Variants in ANK3 observed in about 807,000 individuals in gnomAD.
ANK3 encodes ankyrin 3.
A neutral mutation model predicts 370.9 loss-of-function variants in ANK3; 57 were observed. The observed-to-expected ratio is 0.15, with a 90% confidence interval of 0.12 to 0.19. The LOEUF is 0.19. Among genes scored for constraint, ANK3 ranks in the 10% least tolerant of loss-of-function variants. The pLI is 1.00. For missense variants in ANK3, 4,439 were observed against 5,302.1 expected, an observed-to-expected ratio of 0.84 and a Z score of 5.06; for synonymous variants, 1,929 against 1,946.3, an observed-to-expected ratio of 0.99 and a Z score of 0.23.
At chr10:60,305,276 A>C (rs1280386566) in intron 1 of ANK3, among the ~76,000 whole-genome samples, 1 of 151,946 alleles carries the variant, frequency 6.6e-6, no homozygotes, top group East Asian at 1.9e-4. Context: ...CCTTTGCTTT[A>C]TCAAAATGCT....
At chr10:60,480,724 G>A (rs1181039422) in intron 2 of ANK3, among the ~76,000 whole-genome samples, 1 of 152,134 alleles carries the variant, frequency 6.6e-6, no homozygotes, top group East Asian at 1.9e-4. Flanking sequence ...CACTACTTTT[G>A]GTAGTTTTAT....
intron 12 of ANK3, 75 bp from the exon 13 acceptor site, chr10:60,200,302 A>G: frequency 8.5e-7 from 1 of 1,170,226 alleles, no homozygotes; most frequent in Non-Finnish European, 1.3e-6. Flanking sequence ...CATAAAGCTT[A>G]TGATGGACTT....
intron 2 of ANK3, among the ~76,000 whole-genome samples, chr10:60,412,149 AT>A (rs1216182531): frequency 6.6e-6 from 1 of 152,008 alleles, no homozygotes; most frequent in Non-Finnish European, 1.5e-5. Context: ...ATGTGTGTTA[AT>A]TTTTTTCGTC....
chr10:60,523,442 C>T (rs1366607234), intron 2 of ANK3, among the ~76,000 whole-genome samples: 1 of 139,552 alleles, frequency 7.2e-6, no homozygotes, highest in African/African-American at 2.7e-5. Context: ...TTCTTGTGTC[C>T]ATGTGTTCTC....
At position 60,300,326 on chromosome 10, in the gene ANK3, G is replaced by T. The variant is rs1566384789; in HGVS notation, c.115-20687C>A. 3 of 1,281,190 alleles carry T rather than the reference G, an allele frequency of 2.3e-6. No individual in the cohort carries two copies. In the East Asian group the frequency reaches 1.7e-4, roughly 71 times the overall value. 79.4% of individuals were successfully genotyped at this position (1,281,190 alleles called of 1,614,324 possible). A position where few individuals can be genotyped will look rare whatever the true frequency, so the allele number is the denominator to read the frequency against. On this transcript the variant is annotated intron_variant, in intron 1 of 43. Transcript: ENST00000280772. ...GGAGCTGTAAATGCTTACTTGTTCT[G>T]GGAAGCTCTCTCCCTCTTCCACTGC...
At chr10:60,536,482 G>T (rs566483771) in intron 2 of ANK3, among the ~76,000 whole-genome samples, 22 of 151,996 alleles carry the variant, frequency 1.4e-4, no homozygotes, top group African/African-American at 4.3e-4. Context: ...AACTAAACAT[G>T]GAAACATTGC....
At chr10:60,524,903 G>GTA (rs2076434041) in intron 2 of ANK3, among the ~76,000 whole-genome samples, 2 of 152,064 alleles carry the variant, frequency 1.3e-5, no homozygotes, top group Admixed American at 6.6e-5. Flanking sequence ...CCCATGAACA[G>GTA]AAATATTGTG....
intron 2 of ANK3, among the ~76,000 whole-genome samples, chr10:60,554,337 C>A (rs1413773225): frequency 6.6e-6 from 1 of 152,120 alleles, no homozygotes; most frequent in Non-Finnish European, 1.5e-5. Flanking sequence ...CCCAGGGAAC[C>A]CAGGACAGCA....
chr10:60,578,161 T>C (rs182186304), intron 2 of ANK3, among the ~76,000 whole-genome samples: 78 of 152,318 alleles, frequency 5.1e-4, no homozygotes, highest in Non-Finnish European at 8.1e-4. Context: ...TTTCTTTCTT[T>C]CCTGGTTATT....
At chr10:60,141,570 T>TTTG (rs60794160) in intron 23 of ANK3, among the ~76,000 whole-genome samples, 989 of 60,310 alleles carry the variant, frequency 0.016, 22 homozygotes, top group South Asian at 0.041. Flanking sequence ...TGTTTTTTTT[T>TTTG]TTTTTTTTTT....
chr10:60,473,516 C>T (rs906638528), intron 2 of ANK3, among the ~76,000 whole-genome samples: 3 of 152,052 alleles, frequency 2.0e-5, no homozygotes, highest in East Asian at 1.9e-4. Flanking sequence ...GGCAATAATG[C>T]GCATCTCAAA....
At chr10:60,239,348 T>TTGC (rs1414141772) in intron 7 of ANK3, among the ~76,000 whole-genome samples, 16 of 151,856 alleles carry the variant, frequency 1.1e-4, no homozygotes, top group African/African-American at 3.6e-4. Flanking sequence ...AATAGTCAAA[T>TTGC]TGCTGAAAAT....
intron 1 of ANK3, among the ~76,000 whole-genome samples, chr10:60,324,758 G>A (rs544216222): frequency 8.5e-5 from 13 of 152,180 alleles, no homozygotes; most frequent in South Asian, 2.1e-4. Flanking sequence ...GCCACTCAGC[G>A]ATTCACCAAC....
At chr10:60,235,805 C>A (rs556918334) in intron 7 of ANK3, among the ~76,000 whole-genome samples, 1 of 151,998 alleles carries the variant, frequency 6.6e-6, no homozygotes, top group African/African-American at 2.4e-5. Flanking sequence ...ATTTATAATT[C>A]GATAACAGAA....
intron 1 of ANK3, among the ~76,000 whole-genome samples, chr10:60,341,783 A>G (rs1183787922): frequency 6.6e-6 from 1 of 152,168 alleles, no homozygotes; most frequent in Non-Finnish European, 1.5e-5. Context: ...GTCAAAAGAA[A>G]CCTAATTTTA....
chr10:60,415,920 C>CCA (rs1292842338), intron 2 of ANK3, among the ~76,000 whole-genome samples: 1 of 109,638 alleles, frequency 9.1e-6, no homozygotes, highest in East Asian at 3.0e-4. Context: ...ATTTGTGCCC[C>CCA]CCACCCCCCC....
chr10:60,589,852 T>C (rs2077885675), intron 2 of ANK3, among the ~76,000 whole-genome samples: 1 of 152,240 alleles, frequency 6.6e-6, no homozygotes, highest in African/African-American at 2.4e-5. Context: ...ATTGCTAAAT[T>C]GCGATTGGTT....
intron 1 of ANK3, among the ~76,000 whole-genome samples, chr10:60,287,392 T>C (rs1022819808): frequency 1.3e-5 from 2 of 152,166 alleles, no homozygotes; most frequent in African/African-American, 2.4e-5. Context: ...GTCCAGATCA[T>C]TTAAAAAATC....
chr10:60,267,848 T>C (rs16914687), intron 5 of ANK3, among the ~76,000 whole-genome samples: 14,285 of 152,264 alleles, frequency 0.094, 825 homozygotes, highest in South Asian at 0.17. Context: ...AATATTTCCA[T>C]CCAAAAAATG....
Sources: allele counts gnomAD v4.1 joint callset (sites outside exome capture counted in the v4.1 genomes callset), GRCh38; gene constraint gnomAD v4.1.1; transcripts MANE v1.5; gene names NCBI Gene and HGNC (gene_info 2026-07-23, HGNC 2026-07-21).